Variants in AATF observed in about 807,000 individuals in gnomAD.
AATF encodes the protein protein AATF.
A neutral mutation model predicts 63.7 loss-of-function variants in AATF; 48 were observed. That is an observed-to-expected ratio of 0.75 (90% CI 0.60 to 0.96). The LOEUF (loss-of-function observed/expected upper bound fraction) is 0.96, where lower values mean the gene tolerates loss of function less well. AATF is among the 40% of genes least tolerant of loss of function. AATF has a pLI of 0.00. For missense variants in AATF, 639 were observed against 685.7 expected (o/e 0.93, Z 0.76); for synonymous variants, 258 against 247.7 (o/e 1.04, Z -0.39).
chr17:37,013,242 G>A (rs2071405282), intron 8 of AATF, among the ~76,000 whole-genome samples: 1 of 152,190 alleles, frequency 6.6e-6, no homozygotes, highest in Non-Finnish European at 1.5e-5. Context: ...AGCCATTAGG[G>A]AAATGCAAAT....
chr17:36,967,238 G>T (rs996240790), intron 4 of AATF, among the ~76,000 whole-genome samples: 1 of 151,802 alleles, frequency 6.6e-6, no homozygotes, highest in African/African-American at 2.4e-5. Flanking sequence ...TCCCTTTGTG[G>T]TTATATTGTA....
chr17:36,959,423 A>G (rs1207166756), intron 4 of AATF, among the ~76,000 whole-genome samples: 4 of 152,240 alleles, frequency 2.6e-5, no homozygotes, highest in African/African-American at 7.2e-5. Context: ...AGCCTGGGTG[A>G]CAGAGCGAGA....
At chr17:36,963,912 C>T (rs1447488632) in intron 4 of AATF, among the ~76,000 whole-genome samples, 1 of 152,098 alleles carries the variant, frequency 6.6e-6, no homozygotes, top group Non-Finnish European at 1.5e-5. Flanking sequence ...CACAGTGGCT[C>T]ACGCCTGTAA....
chr17:36,956,149 C>T (rs531675094), intron 4 of AATF, among the ~76,000 whole-genome samples: 1 of 152,230 alleles, frequency 6.6e-6, no homozygotes, highest in Admixed American at 6.5e-5. Flanking sequence ...TAACCAATTG[C>T]CTTTACCTCA....
In AATF at chr17:37,046,730, A is replaced by AACACACACAC. The variant is rs58296683; in HGVS notation, c.1620-9840_1620-9831dup. Among the ~76,000 whole-genome samples, 1,119 of 140,046 alleles carry AACACACACAC rather than the reference A, an allele frequency of 8.0e-3. 20 individuals are homozygous for AACACACACAC. Among genetic ancestry groups the AACACACACAC allele is most frequent in the Admixed American group, 0.023 (329 of 14,050 alleles). 91.9% of individuals were successfully genotyped at this position (140,046 alleles called of 152,430 possible). A position where few individuals can be genotyped will look rare whatever the true frequency, so the allele number is the denominator to read the frequency against. The stretch of plus-strand genomic sequence containing the variant: ...TGAGCGATGCATCCTGTGCTCCCCC[A>AACACACACAC]ACACACACACACACACACACACACA... On this transcript the variant is annotated intron_variant, in intron 11 of 11. Transcript: ENST00000619387.
At chr17:37,036,852 T>C (rs568974432) in intron 11 of AATF, among the ~76,000 whole-genome samples, 30 of 152,242 alleles carry the variant, frequency 2.0e-4, no homozygotes, top group African/African-American at 5.8e-4. Context: ...ATTCCCAATA[T>C]TGAAAGAAAA....
chr17:36,982,555 G>A (rs544344483), intron 4 of AATF, among the ~76,000 whole-genome samples: 5 of 151,922 alleles, frequency 3.3e-5, no homozygotes, highest in African/African-American at 1.2e-4. Flanking sequence ...GGGTTTCATG[G>A]TGTTAGCCAT....
chr17:36,952,824 A>T, intron 2 of AATF, 62 bp from the exon 3 acceptor site: 1 of 1,563,350 alleles, frequency 6.4e-7, no homozygotes, highest in Non-Finnish European at 8.7e-7. Flanking sequence ...AATGAAGTCT[A>T]TGGCTTGGTA....
chr17:36,978,316 A>G (rs373224550), intron 4 of AATF, among the ~76,000 whole-genome samples: 1 of 152,110 alleles, frequency 6.6e-6, no homozygotes, highest in Non-Finnish European at 1.5e-5. Context: ...TTGATTTAAT[A>G]TATCTTGAGT....
chr17:37,056,583 G>C lies in AATF; in HGVS notation c.1620-18G>C. 6.2e-7 allele frequency: 1 copy of C among 1,613,964 alleles called. No individual in the cohort carries two copies. ...AGTGAACCAGTGTGTTAACCAGTTTGCTGTGTTTGTCTTTTAGGACAGAAC... is the reference window on the plus strand; with the variant it reads ...AGTGAACCAGTGTGTTAACCAGTTTCCTGTGTTTGTCTTTTAGGACAGAAC... On this transcript the variant is annotated intron_variant, in intron 11 of 11. Transcript: ENST00000619387.
intron 8 of AATF, among the ~76,000 whole-genome samples, chr17:37,005,514 A>G (rs2071335009): frequency 6.6e-6 from 1 of 152,256 alleles, no homozygotes; most frequent in Admixed American, 6.5e-5. Context: ...CTTAAGGGAC[A>G]TAATCACAGA....
chr17:37,022,259 G>A (rs1193465342), intron 10 of AATF, among the ~76,000 whole-genome samples: 1 of 152,094 alleles, frequency 6.6e-6, no homozygotes, highest in Non-Finnish European at 1.5e-5. Context: ...TAGGCAGGTA[G>A]TTAAACCCAC....
chr17:37,009,878 C>T (rs898256357), intron 8 of AATF, among the ~76,000 whole-genome samples: 2 of 144,556 alleles, frequency 1.4e-5, no homozygotes, highest in African/African-American at 5.2e-5. Context: ...ATAGACCAGT[C>T]TATGTGTTTG....
At chr17:36,965,727 G>A (rs1022326174) in intron 4 of AATF, among the ~76,000 whole-genome samples, 1 of 151,910 alleles carries the variant, frequency 6.6e-6, no homozygotes, top group African/African-American at 2.4e-5. Context: ...ATTGAGAGAG[G>A]GCCTTCATCT....
intron 4 of AATF, among the ~76,000 whole-genome samples, chr17:36,962,936 G>T (rs186224058): frequency 6.6e-6 from 1 of 152,226 alleles, no homozygotes; most frequent in East Asian, 1.9e-4. Flanking sequence ...AGTTCAACAT[G>T]GTGAAATCCC....
chr17:36,984,039 A>C (rs1486163763), intron 4 of AATF, among the ~76,000 whole-genome samples: 2 of 152,202 alleles, frequency 1.3e-5, no homozygotes. Context: ...AAAAGTTGGG[A>C]TATAAACTAG....
intron 2 of AATF, among the ~76,000 whole-genome samples, chr17:36,952,645 T>C (rs768099721): frequency 3.3e-4 from 50 of 152,350 alleles, no homozygotes; most frequent in Middle Eastern, 6.8e-3. Context: ...TGAGTTGTAA[T>C]GTTGTGAGTC....
chr17:37,052,090 C>T lies in AATF; in HGVS notation c.1620-4511C>T, dbSNP rs150003593. Among the ~76,000 whole-genome samples the T allele has an allele frequency of 3.7e-3, 560 of 152,278 alleles. 5 individuals are homozygous for T. The highest frequency in any genetic ancestry group is 6.0e-3 in the Non-Finnish European group (409 of 68,022). The stretch of plus-strand genomic sequence containing the variant: ...ATGAACGCATTGTCTACAGTGGACA[C>T]TCCCACTGACCATGAGTGTGTGTGT... On this transcript the variant is annotated intron_variant, in intron 11 of 11. Transcript: ENST00000619387.
At chr17:37,036,261 T>C (rs561205587) in intron 11 of AATF, among the ~76,000 whole-genome samples, 1 of 152,336 alleles carries the variant, frequency 6.6e-6, no homozygotes, top group East Asian at 1.9e-4. Context: ...CGTGCCTAAA[T>C]TGGATTAATC....
Sources: allele counts gnomAD v4.1 joint callset (sites outside exome capture counted in the v4.1 genomes callset), GRCh38; gene constraint gnomAD v4.1.1; transcripts MANE v1.5; gene names NCBI Gene and HGNC (gene_info 2026-07-23, HGNC 2026-07-21).